Variants in CIMIP4 observed in about 807,000 individuals in gnomAD.
CIMIP4 encodes protein EAN57.
At chr22:36,997,039 G>A in the CIMIP4 span, among the ~76,000 whole-genome samples, 11 of 152,284 alleles carry the variant, frequency 7.2e-5, no homozygotes, top group Non-Finnish European at 2.9e-5. Flanking sequence ...TGAGGGCTGG[G>A]CACACAGATG....
At chr22:37,000,359 A>C in the CIMIP4 span, among the ~76,000 whole-genome samples, 41 of 152,256 alleles carry the variant, frequency 2.7e-4, no homozygotes, top group Admixed American at 9.8e-4. Flanking sequence ...CATGGCTGGC[A>C]GGGCACAGAG....
At chr22:36,998,954 T>C in the CIMIP4 span, among the ~76,000 whole-genome samples, 1 of 152,030 alleles carries the variant, frequency 6.6e-6, no homozygotes, top group Non-Finnish European at 1.5e-5. Flanking sequence ...CTCATTATCA[T>C]CCCCACTGTA....
chr22:36,992,215 C>T, the CIMIP4 span, among the ~76,000 whole-genome samples: 1 of 152,020 alleles, frequency 6.6e-6, no homozygotes, highest in Non-Finnish European at 1.5e-5. Flanking sequence ...GGCGTGGTGG[C>T]GGGCTCCTGT....
the CIMIP4 span, among the ~76,000 whole-genome samples, chr22:37,003,014 A>G: frequency 3.5e-4 from 54 of 152,270 alleles, no homozygotes; most frequent in Admixed American, 2.5e-3. Flanking sequence ...GCCTGGCCTC[A>G]TCCTCCACCC....
the CIMIP4 span, among the ~76,000 whole-genome samples, chr22:36,999,485 G>C: frequency 7.6e-6 from 1 of 132,206 alleles, no homozygotes; most frequent in Non-Finnish European, 1.6e-5. Context: ...AACAGAGTGA[G>C]ACTTCAAAAA....
chr22:36,994,568 C>T, the CIMIP4 span, among the ~76,000 whole-genome samples: 17 of 150,268 alleles, frequency 1.1e-4, no homozygotes, highest in African/African-American at 3.2e-4. Flanking sequence ...AGGGTTTCAC[C>T]ATATTGGCCA....
At chr22:37,002,198 T>G in the CIMIP4 span, 1 of 1,480,960 alleles carries the variant, frequency 6.8e-7, no homozygotes, top group Non-Finnish European at 9.0e-7. Context: ...CAGACCCTGG[T>G]TCTTGAACTT....
chr22:36,999,746 A>G, the CIMIP4 span: 1 of 1,489,404 alleles, frequency 6.7e-7, no homozygotes, highest in South Asian at 1.3e-5. Flanking sequence ...GGGGTCCTAG[A>G]CCCCATATGG....
chr22:37,004,316 C>T, the CIMIP4 span, among the ~76,000 whole-genome samples: 3 of 151,858 alleles, frequency 2.0e-5, no homozygotes, highest in Non-Finnish European at 1.5e-5. Context: ...AGACCTATCT[C>T]AAGCAGCCTT....
the CIMIP4 span, among the ~76,000 whole-genome samples, chr22:36,996,948 C>T: frequency 5.3e-5 from 8 of 152,314 alleles, no homozygotes; most frequent in Admixed American, 5.2e-4. Context: ...GGTACTGAGG[C>T]AGTCAGTAAC....
the CIMIP4 span, among the ~76,000 whole-genome samples, chr22:37,004,794 T>G: frequency 6.6e-6 from 1 of 151,976 alleles, no homozygotes; most frequent in Admixed American, 6.5e-5. Flanking sequence ...TTCAAGCAAT[T>G]CTCCCACCTC....
chr22:37,003,746 C>G, the CIMIP4 span, among the ~76,000 whole-genome samples: 2 of 152,180 alleles, frequency 1.3e-5, no homozygotes, highest in African/African-American at 4.8e-5. Context: ...GGGTGATAAT[C>G]CCTGCACATG....
the CIMIP4 span, chr22:37,001,771 G>A: frequency 7.0e-6 from 10 of 1,423,550 alleles, 1 homozygote; most frequent in South Asian, 1.0e-4. Context: ...CTGTACTCAA[G>A]AGTGAGTTTA....
the CIMIP4 span, among the ~76,000 whole-genome samples, chr22:37,000,376 C>T: frequency 0.21 from 31,177 of 152,072 alleles, 3,536 homozygotes; most frequent in East Asian, 0.52. Context: ...AGAGCCCTGG[C>T]TTGCCTCCTA....
the CIMIP4 span, among the ~76,000 whole-genome samples, chr22:36,995,440 G>A: frequency 6.6e-5 from 10 of 152,144 alleles, no homozygotes; most frequent in Admixed American, 1.3e-4. Context: ...CTGGAGCCAC[G>A]GTGAGTTGGG....
chr22:36,998,007 A>G, the CIMIP4 span, among the ~76,000 whole-genome samples: 2 of 152,186 alleles, frequency 1.3e-5, no homozygotes, highest in Non-Finnish European at 2.9e-5. Context: ...CAATTTTAAG[A>G]CAGCATTTAT....
At chr22:36,996,379 C>A in the CIMIP4 span, among the ~76,000 whole-genome samples, 4 of 150,974 alleles carry the variant, frequency 2.6e-5, no homozygotes, top group Non-Finnish European at 5.9e-5. Flanking sequence ...TTTGTGTATA[C>A]GGTATCAGCA....
chr22:37,004,280 C>T, the CIMIP4 span, among the ~76,000 whole-genome samples: 8 of 152,164 alleles, frequency 5.3e-5, no homozygotes, highest in East Asian at 1.6e-3. Flanking sequence ...CCCTGGCCAC[C>T]CCCACCCCAC....
chr22:36,999,386 G>T, the CIMIP4 span, among the ~76,000 whole-genome samples: 1 of 149,848 alleles, frequency 6.7e-6, no homozygotes, highest in African/African-American at 2.5e-5. Flanking sequence ...GGGGCAGGGG[G>T]GTAGCTGAGG....
Sources: gnomAD v4.1 joint callset for allele counts (sites outside exome capture counted in the v4.1 genomes callset) on GRCh38, gnomAD v4.1.1 for gene constraint, MANE v1.5 for transcripts, NCBI Gene and HGNC (gene_info 2026-07-23, HGNC 2026-07-21) for gene names.